Variants in GSE1 observed in about 807,000 individuals in gnomAD.
The protein encoded by GSE1 is Gse1 coiled-coil protein, also known as genetic suppressor element 1.
GSE1 carries 32 observed loss-of-function variants against 112.6 expected under a neutral mutation model. The observed-to-expected ratio is 0.28, with a 90% CI of 0.21 to 0.38. GSE1 has a LOEUF of 0.38. Ranked by LOEUF, GSE1 falls within the 10% of genes least tolerant of loss-of-function variation. The pLI is 1.00. For synonymous variants in GSE1, 1,115 were observed against 735.6 expected (o/e 1.52, Z -8.35); for missense variants, 2,348 against 1,699.2 (o/e 1.38, Z -6.71).
chr16:85,553,272 A>ACCCCGCCG (rs1555531376), upstream of GSE1, among the ~76,000 whole-genome samples: 60 of 147,796 alleles, frequency 4.1e-4, no homozygotes, highest in Middle Eastern at 6.9e-3. Context: ...CCGGACCCCG[A>ACCCCGCCG]CCCCGCCGCC....
At chr16:85,654,059 G>A (rs568349738) in intron 3 of GSE1, among the ~76,000 whole-genome samples, 10 of 152,206 alleles carry the variant, frequency 6.6e-5, no homozygotes, top group South Asian at 2.1e-4. Flanking sequence ...ATCCCGAGAC[G>A]CACTTCACCC....
At position 85,663,374 on chromosome 16, in the gene GSE1, A is replaced by G; in HGVS notation, c.2404A>G (p.Thr802Ala). 1 of 1,613,714 alleles carries G rather than the reference A, an allele frequency of 6.2e-7. No homozygotes were observed. The highest frequency in any genetic ancestry group is 8.5e-7 in the Non-Finnish European group (1 of 1,179,976). The change falls in exon 11 of 16, where the codon ACC becomes GCC. Residue 802 changes from threonine to alanine, a missense_variant. Physicochemically the swap from Thr to Ala is moderately conservative, Grantham distance 58 (BLOSUM62 0). Coordinates refer to ENST00000253458, the MANE Select transcript of GSE1 (RefSeq NM_014615.5). The part of the protein sequence containing the change: ...KLEFLQLFGL[T>A]TQQQKEELVA... ...AGAGTTTTTGCAACTTTTTGGCTTG[A>G]CCACCCAACAGCAGAAGGAGGAATT...
intron 2 of GSE1, among the ~76,000 whole-genome samples, chr16:85,427,317 A>G (rs28625023): frequency 0.095 from 14,452 of 152,226 alleles, 1,033 homozygotes; most frequent in East Asian, 0.42. Flanking sequence ...AGTCACCTTT[A>G]AAAAAGAAGA....
At chr16:85,587,041 T>A (rs1263897250) in intron 1 of GSE1, among the ~76,000 whole-genome samples, 1 of 152,052 alleles carries the variant, frequency 6.6e-6, no homozygotes, top group Non-Finnish European at 1.5e-5. Flanking sequence ...GATGCAGAAT[T>A]GTGTGTGTGG....
intron 1 of GSE1, among the ~76,000 whole-genome samples, chr16:85,313,453 C>G (rs983736123): frequency 6.6e-6 from 1 of 152,182 alleles, no homozygotes; most frequent in Non-Finnish European, 1.5e-5. Context: ...TCGGCCTCCT[C>G]TCTTGCAGAC....
At chr16:85,176,262 C>G (rs538234537) in intron 1 of GSE1, among the ~76,000 whole-genome samples, 1 of 152,338 alleles carries the variant, frequency 6.6e-6, no homozygotes, top group African/African-American at 2.4e-5. Context: ...TCCTGTGGGT[C>G]TGCAGTTGTG....
chr16:85,228,608 A>G (rs570533601), intron 1 of GSE1, among the ~76,000 whole-genome samples: 20 of 152,334 alleles, frequency 1.3e-4, no homozygotes, highest in African/African-American at 4.8e-4. Flanking sequence ...GCGTGTCAGC[A>G]GTACAGTCCC....
At chr16:85,638,266 G>A (rs559380611) in intron 2 of GSE1, among the ~76,000 whole-genome samples, 1 of 152,348 alleles carries the variant, frequency 6.6e-6, no homozygotes, top group South Asian at 2.1e-4. Context: ...GGAAGGAGAG[G>A]AAGAGGAGGC....
chr16:85,640,826 C>G (rs1274963268), intron 2 of GSE1, among the ~76,000 whole-genome samples: 2 of 152,270 alleles, frequency 1.3e-5, no homozygotes, highest in Non-Finnish European at 2.9e-5. Flanking sequence ...CTGCAGGCGT[C>G]TGGAGCCCGT....
intron 1 of GSE1, among the ~76,000 whole-genome samples, chr16:85,263,326 T>A (rs1907906976): frequency 6.6e-6 from 1 of 152,100 alleles, no homozygotes; most frequent in African/African-American, 2.4e-5. Context: ...ATTGTGACGC[T>A]GGAGTGTGCA....
chr16:85,487,693 G>A (rs2050885844), intron 2 of GSE1, among the ~76,000 whole-genome samples: 1 of 152,198 alleles, frequency 6.6e-6, no homozygotes, highest in African/African-American at 2.4e-5. Flanking sequence ...ATAGAAGCAG[G>A]GAGCTGGGGG....
At chr16:85,206,532 C>A (rs1386552463) in intron 1 of GSE1, among the ~76,000 whole-genome samples, 3 of 152,240 alleles carry the variant, frequency 2.0e-5, no homozygotes, top group African/African-American at 7.2e-5. Context: ...CAGGAACCCC[C>A]AGGTTTTCCC....
intron 2 of GSE1, among the ~76,000 whole-genome samples, chr16:85,408,879 G>GGC (rs1169787993): frequency 5.1e-5 from 1 of 19,668 alleles, no homozygotes; most frequent in African/African-American, 1.7e-4. Context: ...TTACACTCAG[G>GGC]CCCCCTGGAT....
In GSE1 at chr16:85,668,321, G is replaced by C. The variant is rs751528809; in HGVS notation, c.3312G>C (p.Glu1104Asp). The C allele has an allele frequency of 6.8e-6, 11 of 1,612,620 alleles. No homozygotes were observed. In the African/African-American group the frequency reaches 1.1e-4, roughly 16 times the overall value. Residue 1104 changes from glutamate to aspartate, a missense_variant, in exon 14 of 16, where the codon GAG (glutamate) becomes GAC (aspartate). Glu to Asp is a conservative substitution (Grantham distance 45). Transcript: ENST00000253458. ...AGTTGGACCGGGACTCGGAGGAGGA[G>C]GAAGAGGAGGATGATGAAGATGGAG... is the stretch of plus-strand genomic sequence containing the variant. ...TQELDRDSEE[E>D]EEEDDEDGED... is the part of the protein sequence containing the mutation.
chr16:85,330,889 T>C (rs911811642), intron 1 of GSE1, among the ~76,000 whole-genome samples: 1 of 152,148 alleles, frequency 6.6e-6, no homozygotes, highest in African/African-American at 2.4e-5. Flanking sequence ...GGAAGTCTGC[T>C]GCTGTGTGGG....
At chr16:85,297,890 T>C (rs2151454616) in intron 1 of GSE1, among the ~76,000 whole-genome samples, 1 of 152,304 alleles carries the variant, frequency 6.6e-6, no homozygotes, top group East Asian at 1.9e-4. Flanking sequence ...GCAGAACTTA[T>C]TTTCAGGGTG....
chr16:85,201,900 C>T (rs886881948), intron 1 of GSE1, among the ~76,000 whole-genome samples: 2 of 152,190 alleles, frequency 1.3e-5, no homozygotes, highest in African/African-American at 4.8e-5. Flanking sequence ...TTCAGAATTG[C>T]GGACAAGGAA....
At position 85,475,369 on chromosome 16, in the gene GSE1, A is replaced by G. The variant is rs1026668354; in HGVS notation, c.2464+117726A>G. 4.6e-5 allele frequency among the ~76,000 whole-genome samples: 7 copies of G among 152,190 alleles called. No individual in the cohort carries two copies. In the South Asian group the frequency reaches 1.0e-3, roughly 23 times the overall value. On this transcript the variant is annotated intron_variant, in intron 2 of 2. Coordinates refer to the GSE1 transcript ENST00000637419. The stretch of plus-strand genomic sequence containing the variant: ...GGGTGGGGTGGGACATCACCAGCCC[A>G]TAGCCCAAAGGCTAGGGCGGGATGC...
At chr16:85,654,663 C>G (rs1222129544) in intron 4 of GSE1, 131 bp from the exon 5 acceptor site, 2 of 738,652 alleles carry the variant, frequency 2.7e-6, no homozygotes, top group African/African-American at 3.5e-5. Flanking sequence ...AAGCCCCGTC[C>G]TCGTTCGGGG....
Sources: gnomAD v4.1 joint callset for allele counts (sites outside exome capture counted in the v4.1 genomes callset) on GRCh38, gnomAD v4.1.1 for gene constraint, MANE v1.5 for transcripts, NCBI Gene and HGNC (gene_info 2026-07-23, HGNC 2026-07-21) for gene names.